The following KCNMA1 variants were observed in gnomAD, a reference collection of about 807,000 sequenced individuals.
KCNMA1 encodes Calcium-activated potassium channel subunit alpha-1.
KCNMA1 carries 29 observed loss-of-function variants against 140.0 expected under a neutral mutation model. That is an observed-to-expected ratio of 0.21 (90% CI 0.15 to 0.28). The LOEUF (loss-of-function observed/expected upper bound fraction) is 0.28. Among genes scored for constraint, KCNMA1 ranks in the 10% least tolerant of loss-of-function variants. KCNMA1 has a pLI of 1.00. For missense variants in KCNMA1, 880 were observed against 1,602.2 expected (o/e 0.55, Z 7.70); for synonymous variants, 612 against 611.9 (o/e 1.00, Z 0.00).
At chr10:77,256,414 A>AG (rs1188394261) in intron 2 of KCNMA1, among the ~76,000 whole-genome samples, 2 of 152,076 alleles carry the variant, frequency 1.3e-5, no homozygotes, top group African/African-American at 4.8e-5. Context: ...GAGCTGGGGG[A>AG]GGGGAAGTCT....
rs142949293 is a variant in KCNMA1 at position 77,224,757 on chromosome 10, G to A, written c.602+26438C>T. ...ACCCATTCCCTATGTGACTCTGTGGGAGCTACTTAGTTAATCTGCACCCTA... is the reference window on the plus strand; with the variant it reads ...ACCCATTCCCTATGTGACTCTGTGGAAGCTACTTAGTTAATCTGCACCCTA... On this transcript the variant is annotated intron_variant, in intron 3 of 27. Coordinates refer to ENST00000286628, the MANE Select transcript of KCNMA1 (RefSeq NM_001161352.2). 2.1e-3 allele frequency among the ~76,000 whole-genome samples: 318 copies of A among 152,284 alleles called. 1 individual carries two copies. The highest frequency in any genetic ancestry group is 0.01 in the Middle Eastern group (3 of 294).
intron 15 of KCNMA1, 44 bp downstream of exon 15, chr10:77,039,484 A>T: frequency 8.7e-7 from 1 of 1,152,596 alleles, no homozygotes; most frequent in Non-Finnish European, 1.3e-6. Context: ...GGGCACATTC[A>T]ATATCCCTGA....
Position 77,365,511 on chromosome 10 carries a change from G to A in KCNMA1, c.540+38351C>T, listed in dbSNP as rs532813725. Among the ~76,000 whole-genome samples, 14 of 152,288 alleles carry A rather than the reference G, an allele frequency of 9.2e-5. No homozygotes were observed. The South Asian group carries it at 2.7e-3, about 29-fold the overall frequency. On this transcript the variant is annotated intron_variant, in intron 2 of 27. Coordinates refer to ENST00000286628, the MANE Select transcript of KCNMA1 (RefSeq NM_001161352.2). ...TCATGCACAATCTTCTTTGGTTGGG[G>A]GCAGAGGAGGGGTAACTTGGAGCAG...
At chr10:77,037,406 G>T (rs568556444) in intron 15 of KCNMA1, among the ~76,000 whole-genome samples, 2 of 152,104 alleles carry the variant, frequency 1.3e-5, no homozygotes, top group Non-Finnish European at 2.9e-5. Flanking sequence ...TAGTTTTTAC[G>T]TGACATACTA....
chr10:77,293,875 C>G (rs2074134664), intron 2 of KCNMA1, among the ~76,000 whole-genome samples: 1 of 152,250 alleles, frequency 6.6e-6, no homozygotes, highest in African/African-American at 2.4e-5. Flanking sequence ...AATCAGAATG[C>G]CATTAAGAAA....
intron 1 of KCNMA1, among the ~76,000 whole-genome samples, chr10:77,418,370 C>A (rs1416710003): frequency 5.3e-5 from 8 of 152,190 alleles, no homozygotes; most frequent in Non-Finnish European, 1.2e-4. Flanking sequence ...TGAGAACCTT[C>A]TTTCTCAAGT....
intron 11 of KCNMA1, among the ~76,000 whole-genome samples, chr10:77,085,962 A>T: frequency 6.6e-6 from 1 of 152,214 alleles, no homozygotes; most frequent in East Asian, 1.9e-4. Flanking sequence ...TTCGCCCATT[A>T]TCAATGATAT....
chr10:77,132,281 T>C (rs1330871522), intron 5 of KCNMA1, among the ~76,000 whole-genome samples: 2 of 152,100 alleles, frequency 1.3e-5, no homozygotes, highest in African/African-American at 4.8e-5. Context: ...AGTAGAGGGC[T>C]GAACTATCAC....
At chr10:77,427,944 GGTTTC>G (rs1433971344) in intron 1 of KCNMA1, among the ~76,000 whole-genome samples, 1 of 151,866 alleles carries the variant, frequency 6.6e-6, no homozygotes, top group Non-Finnish European at 1.5e-5. Flanking sequence ...GTAGAGACAG[GGTTTC>G]ACCATGTTGG....
At chr10:77,082,159 A>G (rs537336838) in intron 12 of KCNMA1, among the ~76,000 whole-genome samples, 184 of 151,270 alleles carry the variant, frequency 1.2e-3, no homozygotes, top group Non-Finnish European at 2.2e-3. Context: ...CTCCTGAGTA[A>G]CTGGGATTAC....
intron 14 of KCNMA1, among the ~76,000 whole-genome samples, chr10:77,066,492 T>C (rs1010539238): frequency 6.6e-5 from 10 of 152,128 alleles, no homozygotes; most frequent in African/African-American, 2.4e-4. Flanking sequence ...AGGAATTCGA[T>C]TGTGGAATGG....
At chr10:77,469,646 C>T (rs1310303671) in intron 1 of KCNMA1, among the ~76,000 whole-genome samples, 1 of 152,126 alleles carries the variant, frequency 6.6e-6, no homozygotes, top group Non-Finnish European at 1.5e-5. Context: ...GAAGTGTGGC[C>T]AAACTGAATA....
At chr10:76,968,851 GC>G (rs1172464670) in intron 20 of KCNMA1, among the ~76,000 whole-genome samples, 1 of 152,180 alleles carries the variant, frequency 6.6e-6, no homozygotes, top group Non-Finnish European at 1.5e-5. Context: ...AAGAAAGACT[GC>G]CCTTGCCTAT....
At chr10:77,575,013 T>G (rs1163024255) in intron 1 of KCNMA1, among the ~76,000 whole-genome samples, 1 of 152,134 alleles carries the variant, frequency 6.6e-6, no homozygotes, top group East Asian at 1.9e-4. Context: ...TCCTAGCCCT[T>G]GGGAGGCAAA....
intron 21 of KCNMA1, chr10:76,951,942 T>G (rs2066421938): frequency 7.5e-6 from 9 of 1,199,904 alleles, no homozygotes; most frequent in Non-Finnish European, 9.5e-6. Flanking sequence ...GGATTGCATC[T>G]CCAGTAACTA....
At chr10:76,991,736 G>A (rs892786288) in intron 19 of KCNMA1, among the ~76,000 whole-genome samples, 1 of 152,178 alleles carries the variant, frequency 6.6e-6, no homozygotes, top group African/African-American at 2.4e-5. Context: ...ATGTCAGCAT[G>A]CTACATTTTT....
At chr10:77,617,456 C>T (rs574942545) in intron 1 of KCNMA1, among the ~76,000 whole-genome samples, 1 of 152,332 alleles carries the variant, frequency 6.6e-6, no homozygotes, top group South Asian at 2.1e-4. Context: ...AGCAGGGAGG[C>T]AGTTATGCCC....
chr10:76,970,057 C>T lies in KCNMA1; in HGVS notation c.2277G>A (p.Glu759=), dbSNP rs759846411. ...TTTTTGGTGATAGTGTTGACGGCTG[C>T]TCATCTTCAACTGGAAATACAGGCA... is the stretch of plus-strand genomic sequence containing the variant. ...CSTSFRAFED[E]QPSTLSPKKK... The change falls in exon 20 of 28, where the codon GAG becomes GAA. Residue 759 remains glutamate (E), a synonymous_variant. Coordinates refer to ENST00000286628, the MANE Select transcript of KCNMA1 (RefSeq NM_001161352.2). The T allele has an allele frequency of 1.1e-5, 18 of 1,613,620 alleles. No homozygotes were observed. The East Asian group carries it at 3.6e-4, about 32-fold the overall frequency.
chr10:77,468,452 A>G (rs1603626726), intron 1 of KCNMA1, among the ~76,000 whole-genome samples: 1 of 152,336 alleles, frequency 6.6e-6, no homozygotes, highest in African/African-American at 2.4e-5. Flanking sequence ...AGATGTGATA[A>G]AATTAAAATG....
Sources: gnomAD v4.1 joint callset for allele counts (sites outside exome capture counted in the v4.1 genomes callset) on GRCh38, gnomAD v4.1.1 for gene constraint, MANE v1.5 for transcripts, NCBI Gene and HGNC (gene_info 2026-07-23, HGNC 2026-07-21) for gene names.